Variants in CLTRN observed in about 807,000 individuals in gnomAD.
The protein encoded by CLTRN is collectrin.
A neutral mutation model predicts 14.5 loss-of-function variants in CLTRN; 12 were observed. The observed-to-expected ratio is 0.83, with a 90% CI of 0.53 to 1.34. CLTRN has a LOEUF of 1.34. Ranked by LOEUF, CLTRN falls within the 40% of genes most tolerant of loss-of-function variation. CLTRN has a pLI of 0.00. For synonymous variants in CLTRN, 58 were observed against 56.5 expected (o/e 1.03, Z -0.12); for missense variants, 154 against 165.1 (o/e 0.93, Z 0.37).
chrX:15,653,272 C>T (rs955994246), intron 3 of CLTRN, among the ~76,000 whole-genome samples: 9 of 109,877 alleles, frequency 8.2e-5, no homozygotes, highest in Non-Finnish European at 1.5e-4. Flanking sequence ...AAGATGACTA[C>T]ACTTAGATTC....
Position 15,627,712 on chromosome X carries a change from C to A in CLTRN, c.*259G>T, listed in dbSNP as rs1298970372. 4.4e-6 allele frequency: 1 copy of A among 228,676 alleles called. No homozygotes were observed. Among genetic ancestry groups the A allele is most frequent in the Non-Finnish European group, 7.8e-6 (1 of 128,407 alleles). 18.8% of individuals were successfully genotyped at this position (228,676 alleles called of 1,213,427 possible). On this transcript the variant is annotated 3_prime_UTR_variant, in exon 6 of 6. Coordinates refer to ENST00000380342, the MANE Select transcript of CLTRN (RefSeq NM_020665.6). ...TTTCTAAAAATGCTTAAATCAATAACTACAAATACCACATGACCACATTTA... is the reference window on the plus strand; with the variant it reads ...TTTCTAAAAATGCTTAAATCAATAAATACAAATACCACATGACCACATTTA...
At chrX:15,633,146 C>T (rs1300005623) in intron 5 of CLTRN, among the ~76,000 whole-genome samples, 1 of 110,908 alleles carries the variant, frequency 9.0e-6, no homozygotes, top group Non-Finnish European at 1.9e-5. Context: ...CTATTACTTT[C>T]TAACCATGTG....
At chrX:15,639,834 T>A (rs1327219473) in intron 4 of CLTRN, 78 bp from the exon 5 acceptor site, 1 of 924,156 alleles carries the variant, frequency 1.1e-6, no homozygotes, top group African/African-American at 2.0e-5. Context: ...AACCTGTTTC[T>A]CCATGATTAT....
chrX:15,630,283 G>A (rs1928659750), intron 5 of CLTRN, among the ~76,000 whole-genome samples: 1 of 110,759 alleles, frequency 9.0e-6, no homozygotes, highest in Non-Finnish European at 1.9e-5. Context: ...TTAGATGTAT[G>A]TATGTATGGA....
At chrX:15,647,530 T>TGGG (rs1245738569) in intron 3 of CLTRN, among the ~76,000 whole-genome samples, 1 of 18,884 alleles carries the variant, frequency 5.3e-5, no homozygotes. Flanking sequence ...TCTTTCTTGG[T>TGGG]GGGGGGGGGA....
chrX:15,649,456 A>G (rs1929166320), intron 3 of CLTRN, among the ~76,000 whole-genome samples: 1 of 112,443 alleles, frequency 8.9e-6, no homozygotes, highest in Non-Finnish European at 1.9e-5. Flanking sequence ...TTAGATAGAA[A>G]AAGTTCCTGG....
intron 3 of CLTRN, among the ~76,000 whole-genome samples, chrX:15,651,747 C>T (rs6632693): frequency 0.28 from 30,964 of 110,210 alleles, 3,601 homozygotes; most frequent in East Asian, 0.52. Flanking sequence ...GTGGATTCAG[C>T]AAGTGATTGG....
chrX:15,646,755 C>T (rs961422065), intron 3 of CLTRN: 2 of 337,583 alleles, frequency 5.9e-6, no homozygotes, highest in Non-Finnish European at 1.2e-5. Flanking sequence ...CTCTGAGGCT[C>T]GCCTGGCCTA....
At chrX:15,662,575 T>G (rs765936432) in intron 2 of CLTRN, among the ~76,000 whole-genome samples, 3 of 111,582 alleles carry the variant, frequency 2.7e-5, no homozygotes, top group African/African-American at 9.8e-5. Context: ...TTTTACTCAG[T>G]CTTCCTTTCT....
At chrX:15,635,132 A>G (rs1928789565) in intron 5 of CLTRN, among the ~76,000 whole-genome samples, 1 of 111,129 alleles carries the variant, frequency 9.0e-6, no homozygotes, top group East Asian at 2.8e-4. Flanking sequence ...ACAGGTTTTC[A>G]AGGGCTGATT....
At chrX:15,655,940 G>T (rs547984941) in intron 3 of CLTRN, among the ~76,000 whole-genome samples, 1 of 111,644 alleles carries the variant, frequency 9.0e-6, no homozygotes, top group African/African-American at 3.3e-5. Flanking sequence ...ATCATCACTC[G>T]TAAGGAATGG....
chrX:15,662,350 G>A lies in CLTRN; in HGVS notation c.117+1987C>T, dbSNP rs376509570. Among the ~76,000 whole-genome samples the A allele has an allele frequency of 2.6e-4, 29 of 110,962 alleles. 1 individual carries two copies. The East Asian group carries it at 4.3e-3, about 16-fold the overall frequency. ...TCTTAGCCGCCTCCTCTCCTGAAGTGCCAGACAGAACTATGCCTATCAGAG... is the reference window on the plus strand; with the variant it reads ...TCTTAGCCGCCTCCTCTCCTGAAGTACCAGACAGAACTATGCCTATCAGAG... On this transcript the variant is annotated intron_variant, in intron 2 of 5. Coordinates refer to ENST00000380342, the MANE Select transcript of CLTRN (RefSeq NM_020665.6).
intron 3 of CLTRN, among the ~76,000 whole-genome samples, chrX:15,645,587 C>T (rs1009814331): frequency 2.7e-5 from 3 of 112,187 alleles, no homozygotes; most frequent in African/African-American, 9.7e-5. Context: ...TTTTACATCG[C>T]CTTGAACAAA....
intron 3 of CLTRN, among the ~76,000 whole-genome samples, chrX:15,653,068 G>A (rs1236131525): frequency 9.0e-6 from 1 of 111,151 alleles, no homozygotes; most frequent in African/African-American, 3.3e-5. Flanking sequence ...GTGACAGAGC[G>A]AGACTCCATC....
chrX:15,640,979 G>A (rs1928927763), intron 4 of CLTRN, among the ~76,000 whole-genome samples: 1 of 111,876 alleles, frequency 8.9e-6, no homozygotes, highest in Non-Finnish European at 1.9e-5. Flanking sequence ...CTTTGCTGTG[G>A]AGGCCATTTT....
intron 5 of CLTRN, among the ~76,000 whole-genome samples, chrX:15,629,429 AT>A (rs942007684): frequency 2.4e-4 from 27 of 110,810 alleles, no homozygotes; most frequent in African/African-American, 4.3e-4. Context: ...ATAAAAAAAA[AT>A]TTTTTTTAAA....
chrX:15,656,576 A>G (rs193050132), intron 3 of CLTRN, among the ~76,000 whole-genome samples: 1 of 111,276 alleles, frequency 9.0e-6, no homozygotes, highest in East Asian at 2.8e-4. Context: ...CATTGGCACC[A>G]AAAGATTTCT....
chrX:15,640,251 G>A (rs1171207643), intron 4 of CLTRN, among the ~76,000 whole-genome samples: 1 of 112,068 alleles, frequency 8.9e-6, no homozygotes, highest in Non-Finnish European at 1.9e-5. Context: ...ATGATGTGAT[G>A]ACCCCAAAGT....
chrX:15,641,370 G>A (rs1037685924), intron 4 of CLTRN, among the ~76,000 whole-genome samples: 7 of 111,821 alleles, frequency 6.3e-5, no homozygotes, highest in African/African-American at 1.6e-4. Context: ...TGTGAGCTTC[G>A]TGTGACTTAA....
Sources: allele counts gnomAD v4.1 joint callset (sites outside exome capture counted in the v4.1 genomes callset), GRCh38; gene constraint gnomAD v4.1.1; transcripts MANE v1.5; gene names NCBI Gene and HGNC (gene_info 2026-07-23, HGNC 2026-07-21).